Variants in KDM2A observed in about 807,000 individuals in gnomAD.
The protein encoded by KDM2A is lysine-specific demethylase 2A.
Under a neutral mutation model 137.3 loss-of-function variants are expected in KDM2A, and 3 were observed. That is an observed-to-expected ratio of 0.02 (90% CI 0.01 to 0.06). The LOEUF (loss-of-function observed/expected upper bound fraction) is 0.06. KDM2A is among the 10% of genes least tolerant of loss of function. The pLI is 1.00. For missense variants in KDM2A, 738 were observed against 1,510.6 expected (o/e 0.49, Z 8.48); for synonymous variants, 512 against 541.5 (o/e 0.95, Z 0.76).
chr11:67,144,721 G>A (rs1294572866), intron 2 of KDM2A, among the ~76,000 whole-genome samples: 2 of 151,380 alleles, frequency 1.3e-5, no homozygotes, highest in African/African-American at 4.9e-5. Flanking sequence ...GCACCACGAA[G>A]CCCAGCTAAT....
intron 12 of KDM2A, among the ~76,000 whole-genome samples, chr11:67,232,631 C>T (rs1858749369): frequency 6.6e-6 from 1 of 151,206 alleles, no homozygotes; most frequent in Admixed American, 6.6e-5. Context: ...GCTATCCCTC[C>T]TCCAGCTCCC....
intron 10 of KDM2A, 93 bp downstream of exon 10, chr11:67,219,496 C>G (rs1450638591): frequency 2.6e-5 from 15 of 572,622 alleles, no homozygotes; most frequent in Admixed American, 4.2e-5. Flanking sequence ...ATCAAAACTT[C>G]CATTTTTCTT....
At chr11:67,216,031 C>A in intron 8 of KDM2A, 82 bp downstream of exon 8, 1 of 988,156 alleles carries the variant, frequency 1.0e-6, no homozygotes, top group African/African-American at 1.6e-5. Context: ...TTAATATACC[C>A]TGGAAATGAA....
At chr11:67,166,295 G>A (rs1279021773) in intron 2 of KDM2A, among the ~76,000 whole-genome samples, 6 of 148,858 alleles carry the variant, frequency 4.0e-5, no homozygotes, top group African/African-American at 1.2e-4. Flanking sequence ...AGTGATTCTC[G>A]TGCCTCAGCC....
intron 5 of KDM2A, 122 bp downstream of exon 5, chr11:67,182,014 C>A: frequency 1.3e-6 from 1 of 799,808 alleles, no homozygotes; most frequent in Non-Finnish European, 2.0e-6. Context: ...TTAGAAACTA[C>A]ATTTTCATTA....
At chr11:67,171,461 G>A (rs1339687483) in intron 2 of KDM2A, among the ~76,000 whole-genome samples, 8 of 142,778 alleles carry the variant, frequency 5.6e-5, no homozygotes, top group Non-Finnish European at 6.2e-5. Flanking sequence ...GCCTTAAGTT[G>A]TTTACTTCCA....
At chr11:67,168,381 C>G (rs1288591398) in intron 2 of KDM2A, among the ~76,000 whole-genome samples, 1 of 152,002 alleles carries the variant, frequency 6.6e-6, no homozygotes, top group Non-Finnish European at 1.5e-5. Flanking sequence ...ATCTACCTGT[C>G]TTAATACATA....
At chr11:67,170,219 T>G (rs1856849110) in intron 2 of KDM2A, among the ~76,000 whole-genome samples, 1 of 152,066 alleles carries the variant, frequency 6.6e-6, no homozygotes, top group Non-Finnish European at 1.5e-5. Flanking sequence ...GCCAGAATAG[T>G]TGAACAACCA....
intron 5 of KDM2A, chr11:67,196,406 C>G (rs1457139435): frequency 2.2e-6 from 1 of 455,896 alleles, no homozygotes; most frequent in East Asian, 6.9e-5. Context: ...TCTTGCATAG[C>G]TGGGACTGCA....
At chr11:67,180,673 G>A (rs1298391147) in intron 3 of KDM2A, among the ~76,000 whole-genome samples, 1 of 151,536 alleles carries the variant, frequency 6.6e-6, no homozygotes, top group Non-Finnish European at 1.5e-5. Flanking sequence ...TTTTTTTGGA[G>A]ACGGAGTCTT....
At chr11:67,240,804 A>G (rs1565420491) in intron 12 of KDM2A, among the ~76,000 whole-genome samples, 5 of 152,120 alleles carry the variant, frequency 3.3e-5, no homozygotes, top group Admixed American at 2.6e-4. Context: ...TTTTGATGAA[A>G]GCAGGGCGTG....
chr11:67,179,388 G>T (rs572040723), intron 2 of KDM2A, among the ~76,000 whole-genome samples: 1 of 151,950 alleles, frequency 6.6e-6, no homozygotes, highest in Admixed American at 6.6e-5. Context: ...ATTCTCCTGC[G>T]TCAGCCTCCT....
intron 2 of KDM2A, among the ~76,000 whole-genome samples, chr11:67,155,970 C>T (rs937699635): frequency 3.0e-5 from 4 of 132,048 alleles, no homozygotes; most frequent in Admixed American, 7.9e-5. Flanking sequence ...ACAGGAAGGG[C>T]GGGGCGCAGG....
At chr11:67,166,962 C>A (rs1448706219) in intron 2 of KDM2A, among the ~76,000 whole-genome samples, 2 of 152,084 alleles carry the variant, frequency 1.3e-5, no homozygotes, top group Non-Finnish European at 2.9e-5. Flanking sequence ...CCTGTAATCC[C>A]AGCTATTCAG....
intron 2 of KDM2A, among the ~76,000 whole-genome samples, chr11:67,124,300 G>C (rs189506982): frequency 0.012 from 1,791 of 151,300 alleles, 35 homozygotes; most frequent in South Asian, 0.028. Context: ...CACCGTGCCC[G>C]GCTTCACTTT....
chr11:67,147,792 C>T (rs1334762833), intron 2 of KDM2A, among the ~76,000 whole-genome samples: 1 of 151,676 alleles, frequency 6.6e-6, no homozygotes, highest in African/African-American at 2.4e-5. Context: ...ATTCTCCAGC[C>T]TCAACCTTCC....
chr11:67,138,892 G>C (rs1226696360), intron 2 of KDM2A, among the ~76,000 whole-genome samples: 1 of 152,186 alleles, frequency 6.6e-6, no homozygotes, highest in Non-Finnish European at 1.5e-5. Context: ...TTTTCTGTTT[G>C]TTGGAAACAA....
intron 5 of KDM2A, among the ~76,000 whole-genome samples, chr11:67,186,012 C>G (rs1273759889): frequency 6.6e-6 from 1 of 152,010 alleles, no homozygotes; most frequent in African/African-American, 2.4e-5. Flanking sequence ...TTTGACACCA[C>G]TAAGCAGACC....
intron 5 of KDM2A, among the ~76,000 whole-genome samples, chr11:67,205,758 A>G (rs1857787024): frequency 6.6e-6 from 1 of 152,106 alleles, no homozygotes; most frequent in South Asian, 2.1e-4. Context: ...ATGGGATTAT[A>G]GATGTGCACC....
Sources: gnomAD v4.1 joint callset for allele counts (sites outside exome capture counted in the v4.1 genomes callset) on GRCh38, gnomAD v4.1.1 for gene constraint, MANE v1.5 for transcripts, NCBI Gene and HGNC (gene_info 2026-07-23, HGNC 2026-07-21) for gene names.